The following SHISA9 variants were observed in gnomAD, a reference collection of about 807,000 sequenced individuals.
SHISA9 encodes shisa family member 9.
In SHISA9, 13 loss-of-function variants were observed where a neutral mutation model predicts 38.0. The ratio of observed to expected loss-of-function variants is 0.34; its 90% CI spans 0.22 to 0.54. SHISA9 has a LOEUF of 0.54. Among genes scored for constraint, SHISA9 ranks in the 20% least tolerant of loss-of-function variants. The pLI is 0.91. For missense variants in SHISA9, 538 were observed against 575.8 expected, an observed-to-expected ratio of 0.93 and a Z score of 0.67; for synonymous variants, 275 against 242.0, an observed-to-expected ratio of 1.14 and a Z score of -1.27.
the SHISA9 span, among the ~76,000 whole-genome samples, chr16:13,475,736 T>G: frequency 0.066 from 10,089 of 152,234 alleles, 604 homozygotes; most frequent in East Asian, 0.21. Context: ...CTCACCACAA[T>G]GTAGAATCAG....
chr16:13,295,066 G>T, the SHISA9 span, among the ~76,000 whole-genome samples: 1 of 152,064 alleles, frequency 6.6e-6, no homozygotes, highest in Non-Finnish European at 1.5e-5. Context: ...TACCTTGTCC[G>T]CAATCACAGA....
chr16:12,912,300 T>A (rs1410077469), intron 1 of SHISA9, among the ~76,000 whole-genome samples: 3 of 152,140 alleles, frequency 2.0e-5, no homozygotes, highest in Admixed American at 6.5e-5. Context: ...GTCCTTGGAC[T>A]TTGGGGCTGA....
At chr16:13,528,331 C>A in the SHISA9 span, among the ~76,000 whole-genome samples, 134 of 151,710 alleles carry the variant, frequency 8.8e-4, 1 homozygote, top group Middle Eastern at 0.01. Flanking sequence ...CAAAGAGCAT[C>A]AGAGCAGCCA....
At chr16:13,507,066 C>CATGT in the SHISA9 span, among the ~76,000 whole-genome samples, 654 of 151,666 alleles carry the variant, frequency 4.3e-3, 4 homozygotes, top group African/African-American at 0.015. Context: ...CAACAACCAC[C>CATGT]ATGTATATAT....
At chr16:13,367,712 G>GCACACACACA in the SHISA9 span, among the ~76,000 whole-genome samples, 129 of 104,672 alleles carry the variant, frequency 1.2e-3, no homozygotes, top group East Asian at 3.7e-3. Context: ...GCGCGCGCGC[G>GCACACACACA]CACACACACA....
intron 1 of SHISA9, among the ~76,000 whole-genome samples, chr16:12,906,438 AAGAC>A (rs2071094453): frequency 6.6e-6 from 1 of 152,062 alleles, no homozygotes; most frequent in Non-Finnish European, 1.5e-5. Context: ...GAAAAGGAGA[AAGAC>A]AGCAATTCCA....
intron 2 of SHISA9, among the ~76,000 whole-genome samples, chr16:13,023,653 C>T (rs2072885109): frequency 6.6e-6 from 1 of 152,170 alleles, no homozygotes; most frequent in African/African-American, 2.4e-5. Context: ...AAAAGTATTC[C>T]TATTTCTCCA....
chr16:13,230,067 A>G (rs543345013), intron 4 of SHISA9, among the ~76,000 whole-genome samples: 1 of 152,240 alleles, frequency 6.6e-6, no homozygotes, highest in African/African-American at 2.4e-5. Context: ...GTGCCCTTTC[A>G]GGGAGCAAAC....
intron 2 of SHISA9, among the ~76,000 whole-genome samples, chr16:13,131,906 CT>C (rs1429232158): frequency 1.3e-5 from 2 of 152,308 alleles, no homozygotes; most frequent in African/African-American, 4.8e-5. Context: ...GAAATAGACG[CT>C]GATCCCGGAC....
the SHISA9 span, among the ~76,000 whole-genome samples, chr16:13,247,865 A>G: frequency 6.6e-6 from 1 of 152,352 alleles, no homozygotes; most frequent in East Asian, 1.9e-4. Context: ...TAAAAATCTC[A>G]ACATCCAAAT....
the SHISA9 span, among the ~76,000 whole-genome samples, chr16:13,529,747 T>C: frequency 6.6e-6 from 1 of 152,244 alleles, no homozygotes; most frequent in South Asian, 2.1e-4. Context: ...ATCCTGTGTT[T>C]GCCCACCCAT....
At chr16:13,092,340 C>A (rs147155431) in intron 2 of SHISA9, among the ~76,000 whole-genome samples, 5 of 152,210 alleles carry the variant, frequency 3.3e-5, no homozygotes, top group Non-Finnish European at 5.9e-5. Context: ...GCTGGAGAAC[C>A]ACTGCTCTCT....
intron 2 of SHISA9, among the ~76,000 whole-genome samples, chr16:12,970,353 GTATATA>G (rs1229266909): frequency 6.4e-5 from 3 of 46,738 alleles, no homozygotes; most frequent in Non-Finnish European, 1.2e-4. Flanking sequence ...ACATATATGT[GTATATA>G]TATATATATA....
chr16:13,100,864 C>T (rs1030334029), intron 2 of SHISA9, among the ~76,000 whole-genome samples: 7 of 152,076 alleles, frequency 4.6e-5, no homozygotes, highest in Admixed American at 2.0e-4. Context: ...TGAGCCACCA[C>T]GCCTGGCTAA....
Position 13,058,921 on chromosome 16 carries a change from C to T in SHISA9, c.691+142106C>T, listed in dbSNP as rs545740508. Among the ~76,000 whole-genome samples the T allele has an allele frequency of 9.2e-5, 14 of 152,050 alleles. No homozygotes were observed. In the East Asian group the frequency reaches 9.7e-4, roughly 11 times the overall value. On this transcript the variant is annotated intron_variant, in intron 2 of 4. Transcript: ENST00000558583. ...AATTCTAGACCATTTGGCCAAGACA[C>T]GTGATGAGTGTGGGTTTGGGGGGTG...
At chr16:13,401,863 T>C in the SHISA9 span, among the ~76,000 whole-genome samples, 2 of 152,010 alleles carry the variant, frequency 1.3e-5, no homozygotes, top group African/African-American at 2.4e-5. Context: ...CTCATAATCA[T>C]GGCAGAGGGC....
the SHISA9 span, among the ~76,000 whole-genome samples, chr16:13,352,883 C>T: frequency 1.3e-5 from 2 of 151,934 alleles, no homozygotes; most frequent in Non-Finnish European, 2.9e-5. Flanking sequence ...AAGGCAAGGA[C>T]CGGCCATTTA....
chr16:12,970,176 T>C (rs566306939), intron 2 of SHISA9, among the ~76,000 whole-genome samples: 2 of 149,328 alleles, frequency 1.3e-5, no homozygotes, highest in South Asian at 2.1e-4. Context: ...AAGGAATATA[T>C]ATATTTTTTC....
At chr16:13,164,037 A>G (rs1476348022) in intron 2 of SHISA9, among the ~76,000 whole-genome samples, 1 of 152,118 alleles carries the variant, frequency 6.6e-6, no homozygotes, top group Non-Finnish European at 1.5e-5. Flanking sequence ...TGGCAAAAGC[A>G]GATGTTCATT....
Sources: allele counts gnomAD v4.1 joint callset (sites outside exome capture counted in the v4.1 genomes callset), GRCh38; gene constraint gnomAD v4.1.1; transcripts MANE v1.5; gene names NCBI Gene and HGNC (gene_info 2026-07-23, HGNC 2026-07-21).